CCDC85A: variants seen among roughly 807,000 people sequenced by gnomAD.
CCDC85A encodes the protein coiled-coil domain containing 85A.
In CCDC85A, 38 loss-of-function variants were observed where a neutral mutation model predicts 50.2. The observed-to-expected ratio is 0.76, with a 90% confidence interval of 0.58 to 0.99. The LOEUF is 0.99. Among genes scored for constraint, CCDC85A ranks in the 50% least tolerant of loss-of-function variants. CCDC85A has a pLI of 0.00. For missense variants in CCDC85A, 820 were observed against 742.0 expected (o/e 1.11, Z -1.22); for synonymous variants, 366 against 301.4 (o/e 1.21, Z -2.22).
intron 2 of CCDC85A, among the ~76,000 whole-genome samples, chr2:56,331,705 C>G (rs1206823266): frequency 2.0e-5 from 3 of 152,052 alleles, no homozygotes; most frequent in Admixed American, 1.3e-4. Context: ...ATAGAAAATA[C>G]TAAATGAAAC....
chr2:56,185,718 T>G (rs140454479), intron 1 of CCDC85A: 1 of 152,428 alleles, frequency 6.6e-6, no homozygotes, highest in Non-Finnish European at 1.5e-5. Context: ...CTAACTTTCT[T>G]TTCTCCTTGG....
chr2:56,220,884 T>C (rs1313976483), intron 2 of CCDC85A, among the ~76,000 whole-genome samples: 3 of 152,068 alleles, frequency 2.0e-5, no homozygotes, highest in East Asian at 1.9e-4. Flanking sequence ...GGAAAAAGTA[T>C]GCAGGTGGTC....
intron 5 of CCDC85A, chr2:56,379,817 C>A: frequency 1.0e-6 from 1 of 983,782 alleles, no homozygotes; most frequent in South Asian, 4.7e-5. Context: ...CTTAGTGAGA[C>A]AGAAAAAGCT....
chr2:56,374,510 A>G (rs937947093), intron 4 of CCDC85A, among the ~76,000 whole-genome samples: 1 of 152,218 alleles, frequency 6.6e-6, no homozygotes, highest in African/African-American at 2.4e-5. Context: ...TAAAATGTAC[A>G]GCATAAAAAT....
Position 56,375,996 on chromosome 2 carries a change from T to C in CCDC85A, c.1572+61T>C. On this transcript the variant is annotated intron_variant, in intron 5 of 5. Coordinates refer to ENST00000407595, the MANE Select transcript of CCDC85A (RefSeq NM_001080433.2). ...CAGTTGTGTCGTCGCTTGTTCGCTG[T>C]AGTCTAGTAGTCCTCACAGTCTTGC... The C allele has an allele frequency of 4.5e-6, 7 of 1,554,274 alleles. No individual in the cohort carries two copies. The East Asian group carries it at 9.2e-5, about 20-fold the overall frequency.
At chr2:56,309,103 A>G (rs926817061) in intron 2 of CCDC85A, among the ~76,000 whole-genome samples, 16 of 152,228 alleles carry the variant, frequency 1.1e-4, no homozygotes, top group African/African-American at 3.6e-4. Context: ...AGAGTTAAAT[A>G]TGATATGGGA....
intron 2 of CCDC85A, among the ~76,000 whole-genome samples, chr2:56,207,024 G>T (rs539126105): frequency 6.6e-6 from 1 of 152,254 alleles, no homozygotes; most frequent in Admixed American, 6.5e-5. Context: ...TAAATATTCT[G>T]CTAAGTGAAA....
chr2:56,309,246 G>C (rs1672582441), intron 2 of CCDC85A, among the ~76,000 whole-genome samples: 1 of 152,138 alleles, frequency 6.6e-6, no homozygotes, highest in Non-Finnish European at 1.5e-5. Flanking sequence ...ACCTTTCTGT[G>C]ATGGTTCAAA....
chr2:56,377,858 A>G (rs1171972671), intron 5 of CCDC85A, among the ~76,000 whole-genome samples: 1 of 151,474 alleles, frequency 6.6e-6, no homozygotes, highest in Non-Finnish European at 1.5e-5. Flanking sequence ...ATTGCACTCC[A>G]GCCTGGGTGA....
At position 56,242,674 on chromosome 2, in the gene CCDC85A, G is replaced by A. The variant is rs145071019; in HGVS notation, c.1240+49234G>A. 1.9e-3 allele frequency among the ~76,000 whole-genome samples: 296 copies of A among 152,100 alleles called. 1 individual carries two copies. Among genetic ancestry groups the A allele is most frequent in the African/African-American group, 6.7e-3 (280 of 41,500 alleles). On this transcript the variant is annotated intron_variant, in intron 2 of 5. Coordinates refer to ENST00000407595, the MANE Select transcript of CCDC85A (RefSeq NM_001080433.2). ...TGGGGACAAATATCCAAACTATATC[G>A]GGTAGGTAGTTTGCAAATATTTTCT...
chr2:56,199,603 A>G (rs1676653322), intron 2 of CCDC85A, among the ~76,000 whole-genome samples: 1 of 151,918 alleles, frequency 6.6e-6, no homozygotes, highest in Non-Finnish European at 1.5e-5. Flanking sequence ...TAGATTTCCA[A>G]TCACTTCTAG....
At chr2:56,211,880 G>A (rs890404457) in intron 2 of CCDC85A, among the ~76,000 whole-genome samples, 1 of 151,904 alleles carries the variant, frequency 6.6e-6, no homozygotes, top group African/African-American at 2.4e-5. Context: ...TATTCCAAAC[G>A]GTTCTCTGTT....
chr2:56,196,863 A>G (rs1263202326), intron 2 of CCDC85A, among the ~76,000 whole-genome samples: 1 of 146,552 alleles, frequency 6.8e-6, no homozygotes, highest in Admixed American at 7.0e-5. Flanking sequence ...ACTCTTCATT[A>G]TCTTCTTTCT....
chr2:56,285,774 A>G (rs968103072), intron 2 of CCDC85A, among the ~76,000 whole-genome samples: 1 of 151,952 alleles, frequency 6.6e-6, no homozygotes, highest in African/African-American at 2.4e-5. Context: ...AGTTAAGAGA[A>G]AAAGGGTTGC....
chr2:56,288,392 T>G (rs996853162), intron 2 of CCDC85A, among the ~76,000 whole-genome samples: 1 of 151,948 alleles, frequency 6.6e-6, no homozygotes, highest in African/African-American at 2.4e-5. Context: ...ACAATGGAAA[T>G]CACTGTCAGT....
chr2:56,317,877 A>G (rs1292618170), intron 2 of CCDC85A, among the ~76,000 whole-genome samples: 4 of 152,090 alleles, frequency 2.6e-5, no homozygotes, highest in South Asian at 2.1e-4. Context: ...GGGATTACCT[A>G]TGATCGCTTC....
chr2:56,364,845 A>C (rs1675710470), intron 3 of CCDC85A, among the ~76,000 whole-genome samples: 1 of 150,444 alleles, frequency 6.6e-6, no homozygotes, highest in Non-Finnish European at 1.5e-5. Flanking sequence ...GGCAATAAGT[A>C]ATACTTTTTT....
In CCDC85A at chr2:56,201,530, G is replaced by A. The variant is rs571086115; in HGVS notation, c.1240+8090G>A. Among the ~76,000 whole-genome samples the A allele has an allele frequency of 7.2e-5, 11 of 152,208 alleles. No homozygotes were observed. In the East Asian group the frequency reaches 2.1e-3, roughly 29 times the overall value. On this transcript the variant is annotated intron_variant, in intron 2 of 5. Transcript: ENST00000407595. ...CTCCTAATTATTGAGGGACTTTTTG[G>A]CTTTTAGGGAAACCCCTGATCTAGG...
intron 2 of CCDC85A, among the ~76,000 whole-genome samples, chr2:56,332,418 C>T (rs1673851971): frequency 6.6e-6 from 1 of 152,178 alleles, no homozygotes; most frequent in Admixed American, 6.5e-5. Flanking sequence ...AGCCCATAGG[C>T]AGTGCCTGCC....
Sources: allele counts gnomAD v4.1 joint callset (sites outside exome capture counted in the v4.1 genomes callset), GRCh38; gene constraint gnomAD v4.1.1; transcripts MANE v1.5; gene names NCBI Gene and HGNC (gene_info 2026-07-23, HGNC 2026-07-21).